Variants in KIAA1210 observed in about 807,000 individuals in gnomAD.
KIAA1210 encodes acrosomal protein KIAA1210.
Under a neutral mutation model 78.9 loss-of-function variants are expected in KIAA1210, and 48 were observed. The observed-to-expected ratio is 0.61, with a 90% CI of 0.48 to 0.77. The LOEUF is 0.77. Among genes scored for constraint, KIAA1210 ranks in the 30% least tolerant of loss-of-function variants. The probability of loss-of-function intolerance (pLI) is 0.00; values close to 1 mark genes in which losing one functional copy is unlikely to be tolerated. For synonymous variants in KIAA1210, 406 were observed against 404.5 expected, an observed-to-expected ratio of 1.00 and a Z score of -0.04; for missense variants, 1,108 against 1,100.0, an observed-to-expected ratio of 1.01 and a Z score of -0.10.
At chrX:119,121,015 T>C (rs966417087) in intron 2 of KIAA1210, among the ~76,000 whole-genome samples, 1 of 111,159 alleles carries the variant, frequency 9.0e-6, no homozygotes, top group Non-Finnish European at 1.9e-5. Flanking sequence ...TATCCCTAAC[T>C]GTATCCAACA....
exon 2 of KIAA1210, chrX:119,147,512 G>C: frequency 8.3e-7 from 1 of 1,211,416 alleles, no homozygotes; most frequent in Non-Finnish European, 1.1e-6. Context: ...AAGCTGACTA[G>C]CATGATGTGA....
At chrX:119,130,122 C>G (rs756045575), upstream of KIAA1210, among the ~76,000 whole-genome samples, 4 of 111,739 alleles carry the variant, frequency 3.6e-5, no homozygotes, top group Non-Finnish European at 7.5e-5. Context: ...TGAGCCTCCC[C>G]GCTTAAACTT....
At position 119,088,371 on chromosome X, in the gene KIAA1210, T is replaced by C. The variant is rs1414916325; in HGVS notation, c.2331A>G (p.Pro777=). Reference sequence around the variant, plus strand: ...CTTGCTCCACTTTAGGGTTCACCCATGGCTGGAAAGGGTGTCTTGGAGGGA... The same window carrying C: ...CTTGCTCCACTTTAGGGTTCACCCACGGCTGGAAAGGGTGTCTTGGAGGGA... ...EPIPPRHPFQ[P]WVNPKVEQEV... Residue 777 remains proline (P), a synonymous_variant, in exon 9 of 12, where the codon CCA becomes CCG. Coordinates refer to ENST00000691062, the MANE Select transcript of KIAA1210 (RefSeq NM_001394962.1). The C allele has an allele frequency of 1.7e-6, 2 of 1,211,105 alleles. No homozygotes were observed. Among genetic ancestry groups the C allele is most frequent in the Admixed American group, 2.2e-5 (1 of 45,996 alleles).
chrX:119,116,525 G>C lies in KIAA1210; in HGVS notation c.201C>G (p.Pro67=), dbSNP rs372678895. 1.7e-6 allele frequency: 2 copies of C among 1,211,202 alleles called. No homozygotes were observed. The highest frequency in any genetic ancestry group is 2.2e-6 in the Non-Finnish European group (2 of 895,193). Residue 67 remains proline (P), a synonymous_variant, in exon 3 of 12, where the codon CCC becomes CCG. Coordinates refer to ENST00000691062, the MANE Select transcript of KIAA1210 (RefSeq NM_001394962.1). ...CCTTAGTTGGTTGATTTTCCCGAAC[G>C]GGCTGCAGAGAAGAGATGTTAATGT... is the stretch of plus-strand genomic sequence containing the variant. The part of the protein sequence containing the change: ...SSNINISSLQ[P]VRENQPTKAR...
chrX:119,086,006 C>T (rs757628106), intron 9 of KIAA1210, among the ~76,000 whole-genome samples: 12 of 112,700 alleles, frequency 1.1e-4, no homozygotes, highest in African/African-American at 3.9e-4. Context: ...AAGATTTTTC[C>T]AAGGATGGAG....
chrX:119,130,859 T>A (rs1453449719), upstream of KIAA1210, among the ~76,000 whole-genome samples: 1 of 111,925 alleles, frequency 8.9e-6, no homozygotes, highest in Non-Finnish European at 1.9e-5. Flanking sequence ...TATCAAGTCA[T>A]TATTAAAGTG....
At chrX:119,148,691 C>G (rs1188707475) in intron 1 of KIAA1210, among the ~76,000 whole-genome samples, 4 of 110,695 alleles carry the variant, frequency 3.6e-5, no homozygotes, top group Non-Finnish European at 7.6e-5. Flanking sequence ...ATTTAAAAAC[C>G]CAAACTGGGT....
intron 2 of KIAA1210, among the ~76,000 whole-genome samples, chrX:119,119,705 G>A (rs1055542674): frequency 9.0e-6 from 1 of 111,378 alleles, no homozygotes; most frequent in Non-Finnish European, 1.9e-5. Context: ...GGCCGGGCGC[G>A]GTGGCTCACG....
At position 119,089,099 on chromosome X, in the gene KIAA1210, C is replaced by T. The variant is rs374027596; in HGVS notation, c.1603G>A (p.Asp535Asn). 1 of 1,210,470 alleles carries T rather than the reference C, an allele frequency of 8.3e-7. No individual in the cohort carries two copies. The highest frequency in any genetic ancestry group is 3.0e-5 in the East Asian group (1 of 33,788). ...ATTTTGGATTGGGCCTTTTGTAAAT[C>T]AAAGCTGAAAGCTTCTTGATCTTCT... ...QLEDQEAFSF[D>N]LQKAQSKMES... The change falls in exon 9 of 12, where the codon GAT becomes AAT. Residue 535 changes from aspartate (D) to asparagine (N), a missense_variant. Transcript: ENST00000691062.
chrX:119,150,499 G>T, exon 1 of KIAA1210: 1 of 1,211,266 alleles, frequency 8.3e-7, no homozygotes, highest in Non-Finnish European at 1.1e-6. Context: ...TGGGGCCCAG[G>T]TGAGCCAGGT....
At chrX:119,120,356 A>G (rs1379461555) in intron 2 of KIAA1210, among the ~76,000 whole-genome samples, 1 of 112,407 alleles carries the variant, frequency 8.9e-6, no homozygotes, top group East Asian at 2.8e-4. Context: ...AGGAAAGCAA[A>G]GCTAGGATTC....
At chrX:119,122,141 C>T (rs759448624) in intron 2 of KIAA1210, among the ~76,000 whole-genome samples, 1 of 92,689 alleles carries the variant, frequency 1.1e-5, no homozygotes, top group East Asian at 3.6e-4. Context: ...TCTCAGCTTG[C>T]TGCAACTTCC....
rs191175891 is a variant in KIAA1210, at chrX:119,080,524, T to A, written c.*805A>T. ...AACAACCAAATAATTGCGGCATCTATCTAGGCTCATAAAACCTAAAGGCCA... is the reference window on the plus strand; with the variant it reads ...AACAACCAAATAATTGCGGCATCTAACTAGGCTCATAAAACCTAAAGGCCA... On this transcript the variant is annotated 3_prime_UTR_variant, in exon 12 of 12. Transcript: ENST00000691062. 103 of 112,203 alleles carry A rather than the reference T, an allele frequency of 9.2e-4. No individual in the cohort carries two copies. Among genetic ancestry groups the A allele is most frequent in the African/African-American group, 2.8e-3 (86 of 30,890 alleles). The allele number at this position is 112,203 out of a possible 1,213,427, so 9.2% of individuals were successfully genotyped here.
intron 2 of KIAA1210, among the ~76,000 whole-genome samples, chrX:119,141,105 C>T (rs147510449): frequency 1.2e-3 from 137 of 111,833 alleles, no homozygotes; most frequent in Non-Finnish European, 2.3e-3. Context: ...GAGGCAGACG[C>T]GCCCGTGCTC....
chrX:119,113,378 C>T (rs769297664), intron 3 of KIAA1210, among the ~76,000 whole-genome samples: 4 of 111,786 alleles, frequency 3.6e-5, no homozygotes, highest in Non-Finnish European at 7.5e-5. Context: ...AAAAAGAAAT[C>T]AAGTTCTTGA....
upstream of KIAA1210, among the ~76,000 whole-genome samples, chrX:119,128,479 C>T (rs1252093514): frequency 7.4e-5 from 8 of 107,874 alleles, no homozygotes; most frequent in East Asian, 2.3e-3. Flanking sequence ...GGTAATGCCC[C>T]CTTTCAATCT....
chrX:119,081,484 T>A lies in KIAA1210; in HGVS notation c.4447A>T (p.Ile1483Leu), dbSNP rs747996128. ...TTTTCCATGGCAGGAACTTGCAGTATCTTCTGAGCTTCAAATCCAACTGGA... is the reference window on the plus strand; with the variant it reads ...TTTTCCATGGCAGGAACTTGCAGTAACTTCTGAGCTTCAAATCCAACTGGA... ...TKSVGFEAQK[I>L]LQVPAMEKET... Residue 1483 changes from isoleucine (I) to leucine (L), a missense_variant, in exon 12 of 12, where the codon ATA becomes TTA. By Grantham distance (5) the Ile-to-Leu change is conservative. Coordinates refer to ENST00000691062, the MANE Select transcript of KIAA1210 (RefSeq NM_001394962.1). 37 of 1,204,935 alleles carry A rather than the reference T, an allele frequency of 3.1e-5. No homozygotes were observed. Among genetic ancestry groups the A allele is most frequent in the Non-Finnish European group, 3.8e-5 (34 of 893,530 alleles).
chrX:119,137,121 GA>G (rs1430883156), intron 2 of KIAA1210, among the ~76,000 whole-genome samples: 3 of 112,750 alleles, frequency 2.7e-5, no homozygotes, highest in Middle Eastern at 4.6e-3. Flanking sequence ...ACTTGACAAT[GA>G]ATATGTGCAA....
rs771639467 is a variant in KIAA1210 at position 119,111,488 on chromosome X, A to G, written c.231-2286T>C. ...GATGAAGCTGGAAACCATCATTCTCAGCAAACTAACACAGGAATAGAAAAC... is the reference window on the plus strand; with the variant it reads ...GATGAAGCTGGAAACCATCATTCTCGGCAAACTAACACAGGAATAGAAAAC... On this transcript the variant is annotated intron_variant, in intron 3 of 11. Coordinates refer to ENST00000691062, the MANE Select transcript of KIAA1210 (RefSeq NM_001394962.1). Among the ~76,000 whole-genome samples, 11 of 110,668 alleles carry G rather than the reference A, an allele frequency of 9.9e-5. No individual in the cohort carries two copies. In the Middle Eastern group the frequency reaches 0.014, roughly 140 times the overall value.
Sources: allele counts gnomAD v4.1 joint callset (sites outside exome capture counted in the v4.1 genomes callset), GRCh38; gene constraint gnomAD v4.1.1; transcripts MANE v1.5; gene names NCBI Gene and HGNC (gene_info 2026-07-23, HGNC 2026-07-21).